The following RIOK3 variants were observed in gnomAD, a reference collection of about 807,000 sequenced individuals.
RIOK3 encodes the protein serine/threonine-protein kinase RIO3.
Under a neutral mutation model 63.5 loss-of-function variants are expected in RIOK3, and 40 were observed. The observed-to-expected ratio is 0.63, with a 90% CI of 0.49 to 0.82. The LOEUF (loss-of-function observed/expected upper bound fraction) is 0.82, where lower values mean the gene tolerates loss of function less well. RIOK3 is among the 40% of genes least tolerant of loss of function. The pLI is 0.00. For synonymous variants in RIOK3, 193 were observed against 205.0 expected (o/e 0.94, Z 0.50); for missense variants, 557 against 637.0 (o/e 0.87, Z 1.35).
chr18:23,480,557 A>G (rs111538161), intron 12 of RIOK3, among the ~76,000 whole-genome samples: 149 of 69,846 alleles, frequency 2.1e-3, no homozygotes, highest in African/African-American at 6.0e-3. Context: ...GGATGCACGC[A>G]CACACACACA....
intron 1 of RIOK3, among the ~76,000 whole-genome samples, chr18:23,457,929 C>CT (rs772255799): frequency 2.1e-4 from 32 of 151,658 alleles, no homozygotes; most frequent in Admixed American, 9.2e-4. Context: ...GAGTCTCACT[C>CT]TATCGCCCAG....
At chr18:23,457,681 A>T (rs1410905659) in intron 1 of RIOK3, among the ~76,000 whole-genome samples, 1 of 152,210 alleles carries the variant, frequency 6.6e-6, no homozygotes, top group Non-Finnish European at 1.5e-5. Flanking sequence ...AAAAATTTTA[A>T]AAAATGGATT....
chr18:23,473,953 T>G (rs979059452), intron 8 of RIOK3, among the ~76,000 whole-genome samples: 7 of 152,216 alleles, frequency 4.6e-5, no homozygotes, highest in African/African-American at 1.4e-4. Context: ...AGAAAATGTT[T>G]GTTGCATTTA....
intron 7 of RIOK3, among the ~76,000 whole-genome samples, chr18:23,472,071 A>G (rs2057459865): frequency 6.6e-6 from 1 of 152,074 alleles, no homozygotes; most frequent in African/African-American, 2.4e-5. Flanking sequence ...CGTCTCTACT[A>G]AAAATACAAA....
At chr18:23,468,571 A>G (rs932049126) in intron 7 of RIOK3, among the ~76,000 whole-genome samples, 4 of 151,848 alleles carry the variant, frequency 2.6e-5, no homozygotes, top group African/African-American at 9.7e-5. Context: ...CCAAAGTGCC[A>G]AGATTACAGG....
chr18:23,457,952 TG>T (rs1276958312), intron 1 of RIOK3, among the ~76,000 whole-genome samples: 1 of 151,824 alleles, frequency 6.6e-6, no homozygotes, highest in African/African-American at 2.4e-5. Context: ...TGGAGTGCAG[TG>T]GTGCAATCTT....
rs9947010 is a variant in RIOK3 at position 23,459,698 on chromosome 18, T to C, written c.64-3266T>C. Among the ~76,000 whole-genome samples, 1,212 of 152,268 alleles carry C rather than the reference T, an allele frequency of 8.0e-3. 13 individuals are homozygous for C. Among genetic ancestry groups the C allele is most frequent in the African/African-American group, 0.028 (1,166 of 41,542 alleles). On this transcript the variant is annotated intron_variant, in intron 1 of 12. Coordinates refer to ENST00000339486, the MANE Select transcript of RIOK3 (RefSeq NM_003831.5). ...TCTTTTTTGTTTGGTTTTGAGACAG[T>C]CTCGCTCTGTCACCCGGGCTGGAGT... is the stretch of plus-strand genomic sequence containing the variant.
At chr18:23,469,978 G>A (rs1185682287) in intron 7 of RIOK3, among the ~76,000 whole-genome samples, 1 of 152,152 alleles carries the variant, frequency 6.6e-6, no homozygotes, top group Non-Finnish European at 1.5e-5. Flanking sequence ...ACATAATAGA[G>A]TACCCAGTTA....
chr18:23,478,636 T>TATAC (rs2057510268), intron 11 of RIOK3, among the ~76,000 whole-genome samples: 1 of 15,632 alleles, frequency 6.4e-5, no homozygotes, highest in African/African-American at 1.8e-4. Flanking sequence ...TATATATATA[T>TATAC]ATATATATAT....
chr18:23,475,115 G>T lies in RIOK3; in HGVS notation c.1173+8G>T, dbSNP rs747761938. 5.0e-6 allele frequency: 8 copies of T among 1,601,314 alleles called. No individual in the cohort carries two copies. Among genetic ancestry groups the T allele is most frequent in the African/African-American group, 1.4e-5 (1 of 74,038 alleles). On this transcript the variant is annotated splice_region_variant and intron_variant, in intron 9 of 12. Coordinates refer to ENST00000339486, the MANE Select transcript of RIOK3 (RefSeq NM_003831.5). Reference sequence around the variant, plus strand: ...TACTATCAAACTCTTCATGTAAGTTGTGCTTTTAAAAGAATTCACACACTA... The same window carrying T: ...TACTATCAAACTCTTCATGTAAGTTTTGCTTTTAAAAGAATTCACACACTA...
In RIOK3 at chr18:23,473,528, T is replaced by C. The variant is rs546925652; in HGVS notation, c.915T>C (p.Tyr305=). The C allele has an allele frequency of 1.2e-6, 2 of 1,613,114 alleles. No individual in the cohort carries two copies. Among genetic ancestry groups the C allele is most frequent in the African/African-American group, 1.3e-5 (1 of 75,010 alleles). Residue 305 remains tyrosine (Y), a synonymous_variant, in exon 8 of 13, where the codon TAT becomes TAC. Transcript: ENST00000339486. ...ATGAATTTAAGAATCGTGACAAATATATTAAAGATGATTTCAGGTTTAAAG... is the reference window on the plus strand; with the variant it reads ...ATGAATTTAAGAATCGTGACAAATACATTAAAGATGATTTCAGGTTTAAAG... The part of the protein sequence containing the change: ...TLNEFKNRDK[Y]IKDDFRFKDR...
At chr18:23,465,909 T>C (rs1407604028) in intron 5 of RIOK3, among the ~76,000 whole-genome samples, 1 of 152,224 alleles carries the variant, frequency 6.6e-6, no homozygotes, top group African/African-American at 2.4e-5. Flanking sequence ...AAATGTTTTC[T>C]ATGCCTGGAA....
chr18:23,453,469 G>T lies in RIOK3; in HGVS notation c.30G>T (p.Glu10Asp), dbSNP rs1406043094. Residue 10 changes from glutamate (E) to aspartate (D), a missense_variant, in exon 1 of 13, where the codon GAG becomes GAT. By Grantham distance (45) the Glu-to-Asp change is conservative. Coordinates refer to ENST00000339486, the MANE Select transcript of RIOK3 (RefSeq NM_003831.5). MDLVGVASPEPGTAAAWGPS... is the reference protein window; with the variant it reads MDLVGVASPDPGTAAAWGPS... Reference sequence around the variant, plus strand: ...ATCTGGTAGGAGTGGCATCGCCTGAGCCCGGGACGGCAGCGGCCTGGGGAC... The same window carrying T: ...ATCTGGTAGGAGTGGCATCGCCTGATCCCGGGACGGCAGCGGCCTGGGGAC... 4.3e-6 allele frequency: 7 copies of T among 1,613,888 alleles called. No individual in the cohort carries two copies. Among genetic ancestry groups the T allele is most frequent in the Non-Finnish European group, 5.9e-6 (7 of 1,179,900 alleles).
At chr18:23,473,003 G>A (rs2057465958) in intron 7 of RIOK3, among the ~76,000 whole-genome samples, 1 of 152,156 alleles carries the variant, frequency 6.6e-6, no homozygotes, top group Admixed American at 6.5e-5. Flanking sequence ...CAGACTTGTG[G>A]GGCAGGAACC....
intron 6 of RIOK3, 94 bp from the exon 7 acceptor site, chr18:23,467,305 A>T (rs2057415913): frequency 1.7e-6 from 2 of 1,148,388 alleles, no homozygotes; most frequent in Non-Finnish European, 2.5e-6. Context: ...CAAGAGCAAG[A>T]CTCCGTCTCA....
chr18:23,467,036 C>G (rs1004454186), intron 6 of RIOK3, among the ~76,000 whole-genome samples: 1 of 151,848 alleles, frequency 6.6e-6, no homozygotes, highest in African/African-American at 2.4e-5. Context: ...AGATATTAGG[C>G]CAGGCGTGGT....
chr18:23,479,302 G>A lies in RIOK3; in HGVS notation c.1345-15G>A, dbSNP rs2057515434. On this transcript the variant is annotated splice_polypyrimidine_tract_variant and intron_variant, in intron 11 of 12. Coordinates refer to ENST00000339486, the MANE Select transcript of RIOK3 (RefSeq NM_003831.5). ...GCTAATACTTCTTACTGACTTTCTT[G>A]TATTTCCTTACTAGTTTTTCCAGAA... The A allele has an allele frequency of 6.7e-7, 1 of 1,499,122 alleles. No individual in the cohort carries two copies. The highest frequency in any genetic ancestry group is 9.3e-7 in the Non-Finnish European group (1 of 1,075,704). The allele number at this position is 1,499,122 out of a possible 1,614,324, so 92.9% of individuals were successfully genotyped here. A position where few individuals can be genotyped will look rare whatever the true frequency, so the allele number is the denominator to read the frequency against.
intron 2 of RIOK3, 58 bp from the exon 3 acceptor site, chr18:23,463,909 G>C: frequency 6.9e-7 from 1 of 1,444,348 alleles, no homozygotes; most frequent in South Asian, 1.3e-5. Context: ...TCTCATAATT[G>C]GCAACCTCTG....
chr18:23,464,061 T>C lies in RIOK3; in HGVS notation c.274T>C (p.Tyr92His). ...GCTACAGATGGAATATGACAGAGAA[T>C]ATGATGCACAGCTTAGGCGTGAAGA... ...QMLQMEYDRE[Y>H]DAQLRREEKK... Residue 92 changes from tyrosine (Y) to histidine (H), a missense_variant, in exon 3 of 13, where the codon TAT (tyrosine) becomes CAT (histidine). Physicochemically the swap from Tyr to His is moderately conservative, Grantham distance 83 (BLOSUM62 2). Coordinates refer to ENST00000339486, the MANE Select transcript of RIOK3 (RefSeq NM_003831.5). 1 of 1,613,606 alleles carries C rather than the reference T, an allele frequency of 6.2e-7. No individual in the cohort carries two copies. The highest frequency in any genetic ancestry group is 8.5e-7 in the Non-Finnish European group (1 of 1,179,816).
Sources: gnomAD v4.1 joint callset for allele counts (sites outside exome capture counted in the v4.1 genomes callset) on GRCh38, gnomAD v4.1.1 for gene constraint, MANE v1.5 for transcripts, NCBI Gene and HGNC (gene_info 2026-07-23, HGNC 2026-07-21) for gene names.